PRKN: variants seen among roughly 807,000 people sequenced by gnomAD.
PRKN encodes the protein E3 ubiquitin-protein ligase parkin.
Under a neutral mutation model 59.5 loss-of-function variants are expected in PRKN, and 56 were observed. The observed-to-expected ratio is 0.94, with a 90% CI of 0.76 to 1.18. The LOEUF (loss-of-function observed/expected upper bound fraction) is 1.18. PRKN is among the 50% of genes most tolerant of loss of function. The pLI is 0.00. For missense variants in PRKN, 657 were observed against 596.4 expected (o/e 1.10, Z -1.06); for synonymous variants, 250 against 222.1 (o/e 1.13, Z -1.12).
In PRKN at chr6:161,527,022, A is replaced by G. The variant is rs1262905583; in HGVS notation, c.1083+21832T>C. Among the ~76,000 whole-genome samples the G allele has an allele frequency of 6.6e-6, 1 of 152,168 alleles. No homozygotes were observed. The highest frequency in any genetic ancestry group is 2.4e-5 in the African/African-American group (1 of 41,436). Reference sequence around the variant, plus strand: ...TATACCGATAGAAAGCCTCAGGAGTAGTAAAAGTTGTTTCAGTGCATCTCT... The same window carrying G: ...TATACCGATAGAAAGCCTCAGGAGTGGTAAAAGTTGTTTCAGTGCATCTCT... On this transcript the variant is annotated intron_variant, in intron 9 of 11. Coordinates refer to ENST00000366898, the MANE Select transcript of PRKN (RefSeq NM_004562.3). This position sits in a 1 kb window ranked among gnomAD's most constrained non-coding sequence, Gnocchi z 4.6.
intron 4 of PRKN, among the ~76,000 whole-genome samples, chr6:162,101,527 C>T (rs902115185): frequency 2.0e-5 from 3 of 151,756 alleles, no homozygotes; most frequent in Non-Finnish European, 2.9e-5. Context: ...CAAAAATTAG[C>T]CGGGCGTGGT....
At chr6:162,629,439 C>T (rs115255232) in intron 1 of PRKN, among the ~76,000 whole-genome samples, 3,107 of 152,132 alleles carry the variant, frequency 0.02, 119 homozygotes, top group African/African-American at 0.07. Flanking sequence ...TCTCTTCATA[C>T]ATTTTTGTTT....
In PRKN at chr6:162,586,420, AAT is replaced by A. The variant is rs138387838; in HGVS notation, c.7+141240_7+141241del. Among the ~76,000 whole-genome samples, 1,275 of 152,298 alleles carry A rather than the reference AAT, an allele frequency of 8.4e-3. 16 individuals carry two copies. The highest frequency in any genetic ancestry group is 0.029 in the African/African-American group (1,201 of 41,566). On this transcript the variant is annotated intron_variant, in intron 1 of 11. Transcript: ENST00000366898. ...AAAATGTTCTGCTATGATTGTCAGAAATATGTCTTTATATGTTCATGGAGAGG... is the reference window on the plus strand; with the variant it reads ...AAAATGTTCTGCTATGATTGTCAGAAATGTCTTTATATGTTCATGGAGAGG...
chr6:161,594,754 T>G, intron 7 of PRKN, among the ~76,000 whole-genome samples: 1 of 152,194 alleles, frequency 6.6e-6, no homozygotes, highest in East Asian at 1.9e-4. Flanking sequence ...AAAACACTGG[T>G]TTTTTTATAT....
At chr6:161,729,861 ATGTTGCATTCTTTCTGATG>A (rs1270413515) in intron 7 of PRKN, among the ~76,000 whole-genome samples, 3 of 150,198 alleles carry the variant, frequency 2.0e-5, no homozygotes, top group African/African-American at 7.5e-5. Context: ...GCATTCTGAC[ATGTTGCATTCTTTCTGATG>A]TGTTGCATAT....
Position 161,357,173 on chromosome 6 carries a change from T to A in PRKN, c.1285+2915A>T, listed in dbSNP as rs1167604024. Among the ~76,000 whole-genome samples the A allele has an allele frequency of 6.6e-6, 1 of 151,770 alleles. No homozygotes were observed. The highest frequency in any genetic ancestry group is 2.4e-5 in the African/African-American group (1 of 41,244). On this transcript the variant is annotated intron_variant, in intron 11 of 11. Transcript: ENST00000366898. This position sits in a 1 kb window ranked among gnomAD's most constrained non-coding sequence, Gnocchi z 5.5. ...TTCAAGTAATTCTCCTGCCTCAGGT[T>A]CCCAAGCAGTTGGGACTACAGGCAT...
At chr6:162,474,731 A>T (rs1343918035) in intron 1 of PRKN, among the ~76,000 whole-genome samples, 1 of 152,174 alleles carries the variant, frequency 6.6e-6, no homozygotes, top group African/African-American at 2.4e-5. Flanking sequence ...GGAGATGATG[A>T]TCTTGTGATC....
chr6:161,776,966 A>G (rs74362543), intron 7 of PRKN, among the ~76,000 whole-genome samples: 5,951 of 152,286 alleles, frequency 0.039, 391 homozygotes, highest in African/African-American at 0.13. Flanking sequence ...CCTTCTTCCC[A>G]TAGAACTTTC....
Position 161,440,055 on chromosome 6 carries a change from A to T in PRKN, c.1084-53178T>A, listed in dbSNP as rs184164320. 9.1e-4 allele frequency among the ~76,000 whole-genome samples: 136 copies of T among 149,778 alleles called. No homozygotes were observed. Among genetic ancestry groups the T allele is most frequent in the African/African-American group, 3.1e-3 (125 of 40,572 alleles). ...AAGCTCCACCTCCCGGGTTCATGCT[A>T]CTCTCCTGCCTCAGCCTCCTGAGTA... On this transcript the variant is annotated intron_variant, in intron 9 of 11. Transcript: ENST00000366898. The surrounding 1 kb of genome is among the most constrained non-coding windows in gnomAD (Gnocchi z 4.1).
At chr6:162,092,947 T>C (rs559318701) in intron 4 of PRKN, among the ~76,000 whole-genome samples, 3 of 152,354 alleles carry the variant, frequency 2.0e-5, no homozygotes, top group Non-Finnish European at 2.9e-5. Flanking sequence ...ATGTTACTGA[T>C]GTCTGCCTCA....
At chr6:161,733,770 G>GAAA (rs71544915) in intron 7 of PRKN, among the ~76,000 whole-genome samples, 1,405 of 102,152 alleles carry the variant, frequency 0.014, 37 homozygotes, top group African/African-American at 0.044. Context: ...CCCAGGGGGT[G>GAAA]AAAAAAAAAA....
At chr6:162,587,212 T>G (rs1781098090) in intron 1 of PRKN, among the ~76,000 whole-genome samples, 1 of 152,134 alleles carries the variant, frequency 6.6e-6, no homozygotes, top group African/African-American at 2.4e-5. Context: ...TCTCGGCTCA[T>G]TCAACCTCTG....
chr6:162,218,577 C>A (rs1425159672), intron 3 of PRKN, among the ~76,000 whole-genome samples: 1 of 152,026 alleles, frequency 6.6e-6, no homozygotes, highest in Non-Finnish European at 1.5e-5. Context: ...TTTAAGTTTA[C>A]CAGGGAAATT....
chr6:161,849,998 G>A (rs542216818), intron 6 of PRKN, among the ~76,000 whole-genome samples: 2 of 152,198 alleles, frequency 1.3e-5, no homozygotes, highest in African/African-American at 4.8e-5. Flanking sequence ...GATAGAGTAA[G>A]CAGCCAATAT....
At chr6:162,467,118 C>T (rs1791454986) in intron 1 of PRKN, among the ~76,000 whole-genome samples, 2 of 152,150 alleles carry the variant, frequency 1.3e-5, no homozygotes, top group Admixed American at 6.6e-5. Context: ...GAAGGCCTCT[C>T]AACAGTGCTG....
chr6:161,387,694 G>A (rs1426989147), intron 9 of PRKN, among the ~76,000 whole-genome samples: 1 of 152,168 alleles, frequency 6.6e-6, no homozygotes, highest in East Asian at 1.9e-4. Context: ...CGTATTAAAA[G>A]CCTATTATGG....
At chr6:162,723,447 A>C (rs1307798869) in intron 1 of PRKN, among the ~76,000 whole-genome samples, 1 of 152,164 alleles carries the variant, frequency 6.6e-6, no homozygotes, top group African/African-American at 2.4e-5. Context: ...GTACACTGAA[A>C]GGCACTACCC....
At chr6:161,986,215 G>A (rs1781430156) in intron 5 of PRKN, among the ~76,000 whole-genome samples, 1 of 152,214 alleles carries the variant, frequency 6.6e-6, no homozygotes, top group African/African-American at 2.4e-5. Flanking sequence ...AAACATGACT[G>A]TAGAACTGCC....
At chr6:162,278,732 G>C (rs774338347) in intron 2 of PRKN, among the ~76,000 whole-genome samples, 2 of 151,976 alleles carry the variant, frequency 1.3e-5, no homozygotes, top group Non-Finnish European at 2.9e-5. Flanking sequence ...ACATTACAGC[G>C]GCTACACAGA....
Sources: allele counts gnomAD v4.1 joint callset (sites outside exome capture counted in the v4.1 genomes callset), GRCh38; gene constraint gnomAD v4.1.1; non-coding constraint Gnocchi (gnomAD v3.1); transcripts MANE v1.5; gene names NCBI Gene and HGNC (gene_info 2026-07-23, HGNC 2026-07-21).